Variants in DMD observed in about 807,000 individuals in gnomAD.
The protein encoded by DMD is mutant dystrophin.
DMD carries 63 observed loss-of-function variants against 330.1 expected under a neutral mutation model. The ratio of observed to expected loss-of-function variants is 0.19; its 90% CI spans 0.16 to 0.24. DMD has a LOEUF of 0.24. Among genes scored for constraint, DMD ranks in the 10% least tolerant of loss-of-function variants. DMD has a pLI of 1.00. For synonymous variants in DMD, 1,223 were observed against 959.8 expected (o/e 1.27, Z -5.07); for missense variants, 3,344 against 2,684.1 (o/e 1.25, Z -5.43).
At chrX:32,815,516 T>C (rs200308524) in intron 6 of DMD, among the ~76,000 whole-genome samples, 2,274 of 47,237 alleles carry the variant, frequency 0.048, 99 homozygotes, top group African/African-American at 0.15. Context: ...TATATATATA[T>C]ATATACACAC....
intron 2 of DMD, among the ~76,000 whole-genome samples, chrX:33,008,803 CGT>C (rs2093455287): frequency 1.6e-5 from 1 of 62,593 alleles, no homozygotes; most frequent in Non-Finnish European, 3.3e-5. Flanking sequence ...CGTATATATA[CGT>C]ATATATACAC....
intron 44 of DMD, among the ~76,000 whole-genome samples, chrX:32,143,939 T>C (rs1471238841): frequency 9.0e-6 from 1 of 110,708 alleles, no homozygotes; most frequent in Non-Finnish European, 1.9e-5. Context: ...ATCCTTGTAT[T>C]TCAATGTGAT....
At chrX:32,583,959 A>G (rs144850825) in intron 13 of DMD, among the ~76,000 whole-genome samples, 1,413 of 111,589 alleles carry the variant, frequency 0.013, 21 homozygotes, top group African/African-American at 0.044. Context: ...ATTGAAGTGA[A>G]CTATGTTAAA....
intron 7 of DMD, among the ~76,000 whole-genome samples, chrX:32,718,987 G>C (rs1346829816): frequency 3.6e-5 from 4 of 111,669 alleles, no homozygotes; most frequent in South Asian, 3.7e-4. Context: ...TTATATCGGG[G>C]AAGAGGCTAT....
chrX:31,294,668 T>C (rs2148024708), intron 62 of DMD, among the ~76,000 whole-genome samples: 1 of 112,238 alleles, frequency 8.9e-6, no homozygotes, highest in South Asian at 3.7e-4. Flanking sequence ...GATGACCCGT[T>C]ATAGAGGTGT....
At chrX:32,416,175 T>A (rs1290819600) in intron 29 of DMD, among the ~76,000 whole-genome samples, 7 of 111,688 alleles carry the variant, frequency 6.3e-5, no homozygotes, top group African/African-American at 2.3e-4. Context: ...AAAAGCCAAA[T>A]TAGAAAAAAA....
chrX:32,568,426 G>C (rs1208906250), intron 15 of DMD, among the ~76,000 whole-genome samples: 1 of 108,073 alleles, frequency 9.3e-6, no homozygotes, highest in Non-Finnish European at 1.9e-5. Flanking sequence ...GGAATCGCTG[G>C]AACCAGGGAG....
At chrX:31,538,108 T>C (rs2073548935) in intron 55 of DMD, among the ~76,000 whole-genome samples, 1 of 111,469 alleles carries the variant, frequency 9.0e-6, no homozygotes, top group African/African-American at 3.3e-5. Flanking sequence ...TTTCGTACCT[T>C]TTGTGGGTTT....
At position 31,945,547 on chromosome X, in the gene DMD, A is replaced by G. The variant is rs1227958887; in HGVS notation, c.6615-13320T>C. ...ATTACACATCTACCAAGGGCCAGGC[A>G]CTATACTATTTTTGCTGGATATTCA... On this transcript the variant is annotated intron_variant, in intron 45 of 78. Coordinates refer to ENST00000357033, the MANE Select transcript of DMD (RefSeq NM_004006.3). Among the ~76,000 whole-genome samples, 9 of 112,015 alleles carry G rather than the reference A, an allele frequency of 8.0e-5. No homozygotes were observed. The Admixed American group carries it at 8.5e-4, about 11-fold the overall frequency.
chrX:31,625,764 T>C (rs1464012299), intron 55 of DMD, among the ~76,000 whole-genome samples: 1 of 111,638 alleles, frequency 9.0e-6, no homozygotes, highest in African/African-American at 3.3e-5. Flanking sequence ...ACAGCAGATA[T>C]AAATACAAAT....
chrX:31,305,544 T>C (rs888424221), intron 62 of DMD, among the ~76,000 whole-genome samples: 1 of 111,792 alleles, frequency 8.9e-6, no homozygotes, highest in Middle Eastern at 4.2e-3. Context: ...GCTACCTTTA[T>C]CTAGATCTTA....
At chrX:32,317,839 C>T (rs868566328) in intron 41 of DMD, among the ~76,000 whole-genome samples, 2 of 101,041 alleles carry the variant, frequency 2.0e-5, no homozygotes, top group Admixed American at 1.1e-4. Context: ...GTGATGGAGC[C>T]TTTTTTTTTT....
At chrX:31,157,276 G>C (rs761474114) in intron 74 of DMD, among the ~76,000 whole-genome samples, 9 of 112,072 alleles carry the variant, frequency 8.0e-5, no homozygotes, top group Non-Finnish European at 1.3e-4. Flanking sequence ...TAATGACTGA[G>C]ATGTTTTTCA....
chrX:32,204,564 C>G (rs2097055404), intron 44 of DMD, among the ~76,000 whole-genome samples: 1 of 111,965 alleles, frequency 8.9e-6, no homozygotes, highest in Non-Finnish European at 1.9e-5. Flanking sequence ...CCTTGTGACA[C>G]TCAACCAGAA....
At chrX:32,279,455 A>C (rs187760744) in intron 43 of DMD, among the ~76,000 whole-genome samples, 3 of 111,871 alleles carry the variant, frequency 2.7e-5, no homozygotes, top group African/African-American at 9.8e-5. Flanking sequence ...TGTGATACAT[A>C]TACGTAATAG....
At chrX:31,336,267 A>C (rs901547093) in intron 61 of DMD, among the ~76,000 whole-genome samples, 3 of 81,279 alleles carry the variant, frequency 3.7e-5, no homozygotes, top group African/African-American at 1.8e-4. Flanking sequence ...AATTTCACCC[A>C]ACAGGGGACA....
In DMD at chrX:31,644,172, G is replaced by A. The variant is rs182000121; in HGVS notation, c.8027+13818C>T. Among the ~76,000 whole-genome samples the A allele has an allele frequency of 1.4e-4, 16 of 111,791 alleles. No homozygotes were observed. The East Asian group carries it at 3.9e-3, about 28-fold the overall frequency. On this transcript the variant is annotated intron_variant, in intron 54 of 78. Transcript: ENST00000357033. ...AGAAACTTGCCTTTCCAGGAAGAAT[G>A]GCAAAGATGTGGTGAGATGCCCTCT... is the stretch of plus-strand genomic sequence containing the variant.
chrX:31,589,292 T>C (rs62587295), intron 55 of DMD, among the ~76,000 whole-genome samples: 51 of 111,153 alleles, frequency 4.6e-4, no homozygotes, highest in Non-Finnish European at 8.3e-4. Context: ...CTCTTAGGTC[T>C]CCATTTAGAT....
chrX:31,560,267 C>A (rs1248012413), intron 55 of DMD, among the ~76,000 whole-genome samples: 1 of 111,514 alleles, frequency 9.0e-6, no homozygotes, highest in Admixed American at 9.6e-5. Flanking sequence ...TGCCAACAAA[C>A]CCCCAAGTTA....
Sources: gnomAD v4.1 joint callset for allele counts (sites outside exome capture counted in the v4.1 genomes callset) on GRCh38, gnomAD v4.1.1 for gene constraint, MANE v1.5 for transcripts, NCBI Gene and HGNC (gene_info 2026-07-23, HGNC 2026-07-21) for gene names.